PIGF: variants seen among roughly 807,000 people sequenced by gnomAD.
PIGF encodes phosphatidylinositol glycan anchor biosynthesis class F, also known as GPI ethanolamine phosphate transferase, stabilizing subunit.
PIGF carries 23 observed loss-of-function variants against 26.0 expected under a neutral mutation model. The ratio of observed to expected loss-of-function variants is 0.88; its 90% CI spans 0.64 to 1.25. The LOEUF (loss-of-function observed/expected upper bound fraction) is 1.25, where lower values mean the gene tolerates loss of function less well. Ranked by LOEUF, PIGF falls within the 50% of genes most tolerant of loss-of-function variation. The pLI is 0.00. For missense variants in PIGF, 278 were observed against 249.9 expected (o/e 1.11, Z -0.76); for synonymous variants, 93 against 92.6 (o/e 1.00, Z -0.03).
At chr2:46,609,921 A>G (rs1316884132) in intron 4 of PIGF, among the ~76,000 whole-genome samples, 2 of 152,256 alleles carry the variant, frequency 1.3e-5, no homozygotes, top group African/African-American at 4.8e-5. Flanking sequence ...AAGAGAACAC[A>G]TGCTGTTGGA....
At chr2:46,615,946 G>T (rs1472956098) in intron 1 of PIGF, 1 of 152,056 alleles carries the variant, frequency 6.6e-6, no homozygotes, top group Admixed American at 6.5e-5. Context: ...TGCTAAACAA[G>T]GACTTTATTA....
At chr2:46,613,920 A>T in intron 2 of PIGF, 135 bp from the exon 3 acceptor site, 1 of 718,838 alleles carries the variant, frequency 1.4e-6, no homozygotes, top group Non-Finnish European at 2.3e-6. Flanking sequence ...TACTCAAATC[A>T]GATCACATGT....
intron 5 of PIGF, among the ~76,000 whole-genome samples, chr2:46,590,739 T>C (rs1297361575): frequency 2.0e-5 from 3 of 152,216 alleles, no homozygotes; most frequent in Admixed American, 2.0e-4. Context: ...GGATGACTTC[T>C]ATAAGATGTC....
chr2:46,584,010 T>C (rs1313904200), intron 5 of PIGF, among the ~76,000 whole-genome samples: 3 of 152,200 alleles, frequency 2.0e-5, no homozygotes, highest in South Asian at 2.1e-4. Context: ...GGTTAGCTCA[T>C]GGTGAATTCT....
At chr2:46,598,210 T>C (rs140704912) in intron 4 of PIGF, among the ~76,000 whole-genome samples, 1 of 152,258 alleles carries the variant, frequency 6.6e-6, no homozygotes, top group Non-Finnish European at 1.5e-5. Flanking sequence ...TCACCTTTTA[T>C]GGTAAACTTT....
At chr2:46,583,336 A>T (rs1669465273) in intron 5 of PIGF, among the ~76,000 whole-genome samples, 2 of 152,168 alleles carry the variant, frequency 1.3e-5, no homozygotes, top group Admixed American at 6.5e-5. Flanking sequence ...GAGGTAGAAC[A>T]GAGATCTCCA....
chr2:46,595,001 AT>A (rs1669839227), intron 4 of PIGF, among the ~76,000 whole-genome samples: 1 of 150,090 alleles, frequency 6.7e-6, no homozygotes. Flanking sequence ...TAGGTGGCTA[AT>A]TTTTTGTATT....
intron 4 of PIGF, among the ~76,000 whole-genome samples, chr2:46,596,362 A>G (rs1669885096): frequency 1.3e-5 from 2 of 152,138 alleles, no homozygotes; most frequent in South Asian, 4.1e-4. Flanking sequence ...AAAAAATATG[A>G]TCATCCAAGA....
intron 4 of PIGF, among the ~76,000 whole-genome samples, chr2:46,602,801 A>C (rs2104110953): frequency 6.6e-6 from 1 of 152,070 alleles, no homozygotes; most frequent in Non-Finnish European, 1.5e-5. Context: ...TATTTTGTAC[A>C]ATCTCCTTGA....
At position 46,588,191 on chromosome 2, in the gene PIGF, G is replaced by C; in HGVS notation, c.546+4284C>G. 6.2e-7 allele frequency: 1 copy of C among 1,610,840 alleles called. No homozygotes were observed. The highest frequency in any genetic ancestry group is 1.3e-5 in the African/African-American group (1 of 74,750). On this transcript the variant is annotated intron_variant, in intron 5 of 5. Coordinates refer to ENST00000281382, the MANE Select transcript of PIGF (RefSeq NM_002643.4). The surrounding 1 kb of genome is among the most constrained non-coding windows in gnomAD (Gnocchi z 4.1). ...CTTTCTACTGTCATCTGAAATGTCAGACAGGATTGAAAATTATGTGAAATC... is the reference window on the plus strand; with the variant it reads ...CTTTCTACTGTCATCTGAAATGTCACACAGGATTGAAAATTATGTGAAATC...
intron 5 of PIGF, 162 bp from the exon 6 acceptor site, chr2:46,581,753 G>A (rs1289687509): frequency 1.7e-5 from 18 of 1,031,870 alleles, no homozygotes; most frequent in African/African-American, 3.3e-5. Flanking sequence ...CACTAAAAAT[G>A]TACACATTTT....
intron 4 of PIGF, among the ~76,000 whole-genome samples, chr2:46,610,715 A>G (rs1264425927): frequency 6.6e-6 from 1 of 151,948 alleles, no homozygotes; most frequent in Non-Finnish European, 1.5e-5. Context: ...TTTTTAGTAG[A>G]GATGGGGTTT....
chr2:46,605,560 G>A (rs1246062916), intron 4 of PIGF, among the ~76,000 whole-genome samples: 2 of 152,040 alleles, frequency 1.3e-5, no homozygotes, highest in Non-Finnish European at 2.9e-5. Flanking sequence ...ATTTCACTCA[G>A]TTCTGACACA....
intron 3 of PIGF, among the ~76,000 whole-genome samples, 160 bp downstream of exon 3, chr2:46,613,533 GT>G (rs201719442): frequency 6.6e-6 from 1 of 151,984 alleles, no homozygotes; most frequent in African/African-American, 2.4e-5. Flanking sequence ...TTATTCTGCT[GT>G]TTTTTTTAAA....
chr2:46,583,053 T>C (rs924811220), intron 5 of PIGF: 1 of 152,192 alleles, frequency 6.6e-6, no homozygotes, highest in Non-Finnish European at 1.5e-5. Flanking sequence ...AATTAACATA[T>C]TAGCTGAGTT....
At chr2:46,586,064 G>A (rs1050254908) in intron 5 of PIGF, among the ~76,000 whole-genome samples, 11 of 152,098 alleles carry the variant, frequency 7.2e-5, no homozygotes, top group East Asian at 1.9e-4. Flanking sequence ...GTGAGCCACC[G>A]CGCCCAGCCA....
At chr2:46,613,832 G>A (rs754011459) in intron 2 of PIGF, 47 bp from the exon 3 acceptor site, 5 of 1,454,214 alleles carry the variant, frequency 3.4e-6, no homozygotes, top group Non-Finnish European at 4.7e-6. Flanking sequence ...ATGCTTAAAG[G>A]ACAATAAATT....
At chr2:46,596,043 T>C (rs1669872832) in intron 4 of PIGF, among the ~76,000 whole-genome samples, 2 of 151,670 alleles carry the variant, frequency 1.3e-5, no homozygotes, top group Admixed American at 6.6e-5. Flanking sequence ...TGAAACCCCA[T>C]CTCTACTAAA....
rs1670502023 is a variant in PIGF, at chr2:46,613,725, T to C, written c.289A>G (p.Ile97Val). The C allele has an allele frequency of 1.9e-6, 3 of 1,563,594 alleles. No homozygotes were observed. Among genetic ancestry groups the C allele is most frequent in the Non-Finnish European group, 2.6e-6 (3 of 1,141,410 alleles). Reference protein sequence around the residue: ...FLMSCFSFHVIFVLYGAPLIE... With the variant: ...FLMSCFSFHVVFVLYGAPLIE... ...AGTGGTGCTCCATACAGAACAAAAA[T>C]TACATGAAAGGAGAAACAAGACATA... Residue 97 changes from isoleucine (I) to valine (V), a missense_variant, in exon 3 of 6, where the codon ATT becomes GTT. By Grantham distance (29) the Ile-to-Val change is conservative (BLOSUM62 3). Coordinates refer to ENST00000281382, the MANE Select transcript of PIGF (RefSeq NM_002643.4).
Sources: allele counts gnomAD v4.1 joint callset (sites outside exome capture counted in the v4.1 genomes callset), GRCh38; gene constraint gnomAD v4.1.1; non-coding constraint Gnocchi (gnomAD v3.1); transcripts MANE v1.5; gene names NCBI Gene and HGNC (gene_info 2026-07-23, HGNC 2026-07-21).